Variants in ANO6 observed in about 807,000 individuals in gnomAD.
ANO6 encodes the protein anoctamin-6.
ANO6 carries 106 observed loss-of-function variants against 117.5 expected under a neutral mutation model. The ratio of observed to expected loss-of-function variants is 0.90; its 90% confidence interval spans 0.77 to 1.06. The LOEUF (loss-of-function observed/expected upper bound fraction) is 1.06. Ranked by LOEUF, ANO6 falls within the 50% of genes least tolerant of loss-of-function variation. The pLI is 0.00. For synonymous variants in ANO6, 367 were observed against 385.1 expected, an observed-to-expected ratio of 0.95 and a Z score of 0.55; for missense variants, 955 against 1,121.1, an observed-to-expected ratio of 0.85 and a Z score of 2.12.
At chr12:45,280,047 A>AT (rs1458399371) in intron 1 of ANO6, among the ~76,000 whole-genome samples, 1 of 152,240 alleles carries the variant, frequency 6.6e-6, no homozygotes, top group East Asian at 1.9e-4. Context: ...CATGTTCTCA[A>AT]TAGCCAGATA....
intron 1 of ANO6, among the ~76,000 whole-genome samples, chr12:45,244,191 T>C (rs1378065030): frequency 6.6e-6 from 1 of 152,214 alleles, no homozygotes; most frequent in Non-Finnish European, 1.5e-5. Context: ...ATTTTTGTTG[T>C]AACCAAAAGA....
intron 10 of ANO6, among the ~76,000 whole-genome samples, chr12:45,381,929 T>TA (rs1942178848): frequency 6.6e-6 from 1 of 152,036 alleles, no homozygotes; most frequent in Non-Finnish European, 1.5e-5. Flanking sequence ...CTGAGATAGA[T>TA]ACTAGATAGG....
intron 2 of ANO6, among the ~76,000 whole-genome samples, chr12:45,307,717 C>T (rs1939714743): frequency 6.6e-6 from 1 of 151,956 alleles, no homozygotes; most frequent in Non-Finnish European, 1.5e-5. Context: ...CTGGACTGAG[C>T]CCGGGGGCAC....
chr12:45,305,560 A>G (rs1039618463), intron 2 of ANO6, among the ~76,000 whole-genome samples: 2 of 152,200 alleles, frequency 1.3e-5, no homozygotes, highest in South Asian at 4.1e-4. Context: ...AATGGTGACT[A>G]TCATTTGGGG....
intron 1 of ANO6, among the ~76,000 whole-genome samples, chr12:45,290,535 C>T (rs1176014842): frequency 6.6e-6 from 1 of 152,130 alleles, no homozygotes; most frequent in Non-Finnish European, 1.5e-5. Flanking sequence ...GAACTGAGAG[C>T]CTGAGGGTCT....
intron 2 of ANO6, among the ~76,000 whole-genome samples, chr12:45,320,735 A>G (rs1940234193): frequency 6.6e-6 from 1 of 152,086 alleles, no homozygotes; most frequent in South Asian, 2.1e-4. Flanking sequence ...GTCTCCCATT[A>G]TTATTGTGTG....
intron 3 of ANO6, among the ~76,000 whole-genome samples, chr12:45,339,055 G>C (rs1269045358): frequency 6.6e-6 from 1 of 152,094 alleles, no homozygotes; most frequent in East Asian, 1.9e-4. Flanking sequence ...GGGTACAGCA[G>C]GATTGGCAAA....
At chr12:45,296,791 A>G (rs1416955051) in intron 1 of ANO6, among the ~76,000 whole-genome samples, 1 of 152,198 alleles carries the variant, frequency 6.6e-6, no homozygotes, top group Non-Finnish European at 1.5e-5. Flanking sequence ...AACCTTAATT[A>G]TTCTTCATCT....
chr12:45,228,192 C>T (rs1382850302), intron 1 of ANO6: 22 of 439,468 alleles, frequency 5.0e-5, no homozygotes, highest in Admixed American at 3.8e-4. Context: ...AGTGGAGTAG[C>T]GCAATCATGG....
At chr12:45,389,437 AG>A (rs1942384506) in intron 11 of ANO6, among the ~76,000 whole-genome samples, 2 of 147,998 alleles carry the variant, frequency 1.4e-5, no homozygotes, top group Non-Finnish European at 3.1e-5. Flanking sequence ...TTATAATACC[AG>A]CAACATGGGA....
Position 45,221,896 on chromosome 12 carries a change from T to C in ANO6, c.70+5505T>C, listed in dbSNP as rs111752205. Among the ~76,000 whole-genome samples the C allele has an allele frequency of 4.5e-4, 64 of 143,792 alleles. 1 individual carries two copies. The highest frequency in any genetic ancestry group is 1.7e-3 in the African/African-American group (64 of 38,144). 94.3% of individuals were successfully genotyped at this position (143,792 alleles called of 152,430 possible). On this transcript the variant is annotated intron_variant, in intron 1 of 19. Transcript: ENST00000320560. ...CGACTCCTTTTTTTTTTTTTTTTTTTTGGGAGACGTTGTCTTGCTCTGTTG... is the reference window on the plus strand; with the variant it reads ...CGACTCCTTTTTTTTTTTTTTTTTTCTGGGAGACGTTGTCTTGCTCTGTTG...
intron 6 of ANO6, 100 bp downstream of exon 6, chr12:45,348,731 T>A: frequency 1.1e-6 from 1 of 900,854 alleles, no homozygotes; most frequent in Middle Eastern, 2.1e-4. Flanking sequence ...TCTTCCTCAG[T>A]AAAATGAAGG....
At chr12:45,337,616 T>A (rs1290743706) in intron 3 of ANO6, among the ~76,000 whole-genome samples, 3 of 152,182 alleles carry the variant, frequency 2.0e-5, no homozygotes, top group Non-Finnish European at 4.4e-5. Flanking sequence ...TAGAAGTAGA[T>A]AATAGAATAG....
chr12:45,234,822 C>T (rs143397592), intron 1 of ANO6, among the ~76,000 whole-genome samples: 1 of 149,052 alleles, frequency 6.7e-6, no homozygotes, highest in East Asian at 2.1e-4. Context: ...TGAGACAATT[C>T]AGCATTTACT....
At chr12:45,361,182 G>A (rs980422119) in intron 8 of ANO6, among the ~76,000 whole-genome samples, 2 of 142,808 alleles carry the variant, frequency 1.4e-5, no homozygotes, top group African/African-American at 5.5e-5. Flanking sequence ...AACACAGGAT[G>A]TCTTTTCATT....
chr12:45,400,295 A>T (rs1942748850), intron 12 of ANO6, among the ~76,000 whole-genome samples: 1 of 152,250 alleles, frequency 6.6e-6, no homozygotes, highest in Non-Finnish European at 1.5e-5. Context: ...GATAATTTTT[A>T]AAAACACATA....
intron 1 of ANO6, among the ~76,000 whole-genome samples, chr12:45,223,385 T>A (rs942289366): frequency 2.6e-5 from 4 of 152,184 alleles, no homozygotes; most frequent in African/African-American, 9.7e-5. Flanking sequence ...AATTGATTGC[T>A]TGCTTGTTGC....
intron 3 of ANO6, among the ~76,000 whole-genome samples, chr12:45,334,356 G>T (rs780342001): frequency 6.6e-6 from 1 of 152,018 alleles, no homozygotes; most frequent in Non-Finnish European, 1.5e-5. Context: ...GCCATTTCTG[G>T]ATTAGTTTAT....
intron 1 of ANO6, chr12:45,270,529 G>T: frequency 9.4e-7 from 1 of 1,060,876 alleles, no homozygotes; most frequent in Non-Finnish European, 1.4e-6. Context: ...GCCTGGGTAA[G>T]ATCCCCTTCC....
Sources: gnomAD v4.1 joint callset for allele counts (sites outside exome capture counted in the v4.1 genomes callset) on GRCh38, gnomAD v4.1.1 for gene constraint, MANE v1.5 for transcripts, NCBI Gene and HGNC (gene_info 2026-07-23, HGNC 2026-07-21) for gene names.